CAMSAP1: variants seen among roughly 807,000 people sequenced by gnomAD.
The protein encoded by CAMSAP1 is calmodulin-regulated spectrin-associated protein 1.
A neutral mutation model predicts 143.5 loss-of-function variants in CAMSAP1; 58 were observed. That is an observed-to-expected ratio of 0.40 (90% CI 0.33 to 0.50). CAMSAP1 has a LOEUF of 0.50. Ranked by LOEUF, CAMSAP1 falls within the 20% of genes least tolerant of loss-of-function variation. The probability of loss-of-function intolerance (pLI) is 0.45; values close to 1 mark genes in which losing one functional copy is unlikely to be tolerated. For synonymous variants in CAMSAP1, 945 were observed against 859.3 expected (o/e 1.10, Z -1.74); for missense variants, 1,969 against 2,115.7 (o/e 0.93, Z 1.36).
chr9:135,817,403 G>A (rs1033180247), intron 14 of CAMSAP1, among the ~76,000 whole-genome samples: 43 of 152,092 alleles, frequency 2.8e-4, no homozygotes, highest in African/African-American at 1.0e-3. Context: ...TTGCTTTTGG[G>A]GGTTTTCTGG....
Position 135,811,082 on chromosome 9 carries a change from TCCC to T in CAMSAP1, c.*224_*226del. The T allele has an allele frequency of 1.7e-6, 1 of 580,960 alleles. No homozygotes were observed. The highest frequency in any genetic ancestry group is 3.0e-6 in the Non-Finnish European group (1 of 330,078). 36.0% of individuals were successfully genotyped at this position (580,960 alleles called of 1,614,324 possible). On this transcript the variant is annotated 3_prime_UTR_variant, in exon 17 of 17. Transcript: ENST00000389532. This position sits in a 1 kb window ranked among gnomAD's most constrained non-coding sequence, Gnocchi z 4.9. ...GAGCCACTGCAAAAGCGGCATCTAC[TCCC>T]CCATCCTCACCCTGCCTGGCATCCT...
chr9:135,820,973 T>C lies in CAMSAP1; in HGVS notation c.3688A>G (p.Arg1230Gly), dbSNP rs1835426495. 6.2e-7 allele frequency: 1 copy of C among 1,612,846 alleles called. No individual in the cohort carries two copies. The highest frequency in any genetic ancestry group is 8.5e-7 in the Non-Finnish European group (1 of 1,179,224). The part of the protein sequence containing the change: ...SVPVEEPLRS[R>G]ASLIEVDLSD... ...AGGTCCACTTCAATGAGGCTGGCCC[T>C]GCTCCTCAGAGGCTCCTCCACGGGG... The change falls in exon 11 of 17, where the codon AGG becomes GGG. Residue 1230 changes from arginine to glycine, a missense_variant. Arg to Gly is a moderately radical substitution (Grantham distance 125, BLOSUM62 -2). Around this residue, in one of 4 missense-constraint regions of CAMSAP1, gnomAD observed 1,390 missense variants for 1,420.8 expected, o/e 0.98. Transcript: ENST00000389532. The surrounding 1 kb of genome is among the most constrained non-coding windows in gnomAD (Gnocchi z 4.4).
chr9:135,904,987 A>C (rs1010115031), intron 1 of CAMSAP1, among the ~76,000 whole-genome samples: 1 of 151,814 alleles, frequency 6.6e-6, no homozygotes, highest in Non-Finnish European at 1.5e-5. Context: ...AAAAGTGGAA[A>C]CCAGACCTCC....
At chr9:135,876,427 C>A (rs3119678) in intron 3 of CAMSAP1, among the ~76,000 whole-genome samples, 96,459 of 151,536 alleles carry the variant, frequency 0.64, 31,672 homozygotes, top group African/African-American at 0.81. Flanking sequence ...ATATTTGAAG[C>A]AGCACCTCAT....
intron 7 of CAMSAP1, among the ~76,000 whole-genome samples, chr9:135,834,212 A>G (rs529910318): frequency 2.4e-4 from 36 of 152,348 alleles, no homozygotes; most frequent in African/African-American, 8.7e-4. Flanking sequence ...GTGGGAACAC[A>G]AATTGGTATA....
intron 3 of CAMSAP1, among the ~76,000 whole-genome samples, chr9:135,870,191 GA>G (rs1325337126): frequency 6.6e-6 from 1 of 152,194 alleles, no homozygotes; most frequent in Non-Finnish European, 1.5e-5. Context: ...TTGAGGGAGG[GA>G]CGAGGTGGGA....
At chr9:135,876,719 A>G (rs992740658) in intron 3 of CAMSAP1, among the ~76,000 whole-genome samples, 5 of 152,162 alleles carry the variant, frequency 3.3e-5, no homozygotes, top group African/African-American at 9.7e-5. Flanking sequence ...TTAAAGAAAT[A>G]AAAATATTGC....
At chr9:135,888,023 GGAGGAACTC>G (rs1490310630) in intron 1 of CAMSAP1, among the ~76,000 whole-genome samples, 1 of 152,208 alleles carries the variant, frequency 6.6e-6, no homozygotes, top group Non-Finnish European at 1.5e-5. Flanking sequence ...ACTAAGTGCA[GGAGGAACTC>G]AGAGGGGTGG....
intron 1 of CAMSAP1, among the ~76,000 whole-genome samples, chr9:135,890,443 G>A (rs1286370757): frequency 1.3e-5 from 2 of 152,180 alleles, no homozygotes; most frequent in Admixed American, 1.3e-4. Context: ...CCCCCTGAGG[G>A]CGCCTGGGAG....
chr9:135,853,007 T>C (rs2130909862), intron 5 of CAMSAP1, among the ~76,000 whole-genome samples: 1 of 152,252 alleles, frequency 6.6e-6, no homozygotes, highest in Non-Finnish European at 1.5e-5. Flanking sequence ...AGAAACGTAT[T>C]CACAGTCCAA....
In CAMSAP1 at chr9:135,820,488, C is replaced by T. The variant is rs1379631307; in HGVS notation, c.3822+351G>A. Among the ~76,000 whole-genome samples the T allele has an allele frequency of 6.6e-6, 1 of 151,912 alleles. No homozygotes were observed. Among genetic ancestry groups the T allele is most frequent in the African/African-American group, 2.4e-5 (1 of 41,354 alleles). On this transcript the variant is annotated intron_variant, in intron 11 of 16. Coordinates refer to ENST00000389532, the MANE Select transcript of CAMSAP1 (RefSeq NM_015447.4). The surrounding 1 kb of genome is among the most constrained non-coding windows in gnomAD (Gnocchi z 4.4). ...ACCTCCAGAGCATTCTAACGACGAACGCTTTTTACGCTTTGGGGCAGGACA... is the reference window on the plus strand; with the variant it reads ...ACCTCCAGAGCATTCTAACGACGAATGCTTTTTACGCTTTGGGGCAGGACA...
chr9:135,845,048 C>A (rs951552690), intron 7 of CAMSAP1, among the ~76,000 whole-genome samples: 1 of 152,120 alleles, frequency 6.6e-6, no homozygotes, highest in Non-Finnish European at 1.5e-5. Flanking sequence ...ATACCAAAAC[C>A]CGGCAGAGAC....
At position 135,875,023 on chromosome 9, in the gene CAMSAP1, C is replaced by G. The variant is rs191062653; in HGVS notation, c.585+6610G>C. On this transcript the variant is annotated intron_variant, in intron 3 of 16. Transcript: ENST00000389532. ...AAGCTGTGAAGCTGTTAGGTCTACA[C>G]AGAACGGAGAGAGATAAGCATGTCT... is the stretch of plus-strand genomic sequence containing the variant. Among the ~76,000 whole-genome samples the G allele has an allele frequency of 4.7e-4, 72 of 152,218 alleles. 1 individual carries two copies. In the South Asian group the frequency reaches 0.014, roughly 29 times the overall value.
Position 135,907,089 on chromosome 9 carries a change from G to A in CAMSAP1, c.71C>T (p.Ala24Val). ...GTAGCGGTCCAGGGGCACGAGGTCG[G>A]CGGCGCCGTCCGGCGGGGCCTCCAT... ...RKMEAPPDGAADLVPLDRYDA... is the reference protein window; with the variant it reads ...RKMEAPPDGAVDLVPLDRYDA... Residue 24 changes from alanine (A) to valine (V), a missense_variant, in exon 1 of 17, where the codon GCC (alanine) becomes GTC (valine). Physicochemically the swap from Ala to Val is moderately conservative, Grantham distance 64 (BLOSUM62 0). Transcript: ENST00000389532. The A allele has an allele frequency of 1.7e-6, 2 of 1,153,698 alleles. No individual in the cohort carries two copies. The highest frequency in any genetic ancestry group is 2.1e-6 in the Non-Finnish European group (2 of 933,860). The allele number at this position is 1,153,698 out of a possible 1,614,324, so 71.5% of individuals were successfully genotyped here. A position where few individuals can be genotyped will look rare whatever the true frequency, so the allele number is the denominator to read the frequency against.
intron 16 of CAMSAP1, among the ~76,000 whole-genome samples, chr9:135,813,434 CTATATAA>C (rs1287895900): frequency 1.3e-5 from 2 of 152,198 alleles, no homozygotes; most frequent in African/African-American, 4.8e-5. Context: ...CCAAAACTGT[CTATATAA>C]TACTGATTTC....
At chr9:135,869,313 G>C (rs539831359) in intron 3 of CAMSAP1, among the ~76,000 whole-genome samples, 1 of 151,640 alleles carries the variant, frequency 6.6e-6, no homozygotes, top group Non-Finnish European at 1.5e-5. Flanking sequence ...GACCAGCCTG[G>C]GCAACATGAC....
chr9:135,829,850 C>CATAAATAAATAA (rs10625345), intron 7 of CAMSAP1, among the ~76,000 whole-genome samples: 2,020 of 142,750 alleles, frequency 0.014, 25 homozygotes, highest in Middle Eastern at 0.021. Flanking sequence ...GAGACTCTGT[C>CATAAATAAATAA]ATAAATAAAT....
intron 1 of CAMSAP1, among the ~76,000 whole-genome samples, chr9:135,899,096 C>G (rs1379096225): frequency 1.3e-5 from 2 of 152,202 alleles, no homozygotes; most frequent in Admixed American, 1.3e-4. Flanking sequence ...AGAGGAAACT[C>G]ATCTACAATA....
In CAMSAP1 at chr9:135,824,640, G is replaced by A. The variant is rs777606322; in HGVS notation, c.1315+149C>T. 6 of 628,442 alleles carry A rather than the reference G, an allele frequency of 9.5e-6. No individual in the cohort carries two copies. The highest frequency in any genetic ancestry group is 1.6e-5 in the Non-Finnish European group (6 of 379,938). 38.9% of individuals were successfully genotyped at this position (628,442 alleles called of 1,614,324 possible). ...AGATCGCGCCACAGCACTTCAGCCT[G>A]GTGACAGAGCAAGACTCCATCTCAA... On this transcript the variant is annotated intron_variant, in intron 9 of 16. Transcript: ENST00000389532. The surrounding 1 kb of genome is among the most constrained non-coding windows in gnomAD (Gnocchi z 4.1).
Sources: gnomAD v4.1 joint callset for allele counts (sites outside exome capture counted in the v4.1 genomes callset) on GRCh38, gnomAD v4.1.1 for gene constraint, gnomAD v4.1.1 regional missense constraint, Gnocchi (gnomAD v3.1) non-coding constraint, MANE v1.5 for transcripts, NCBI Gene and HGNC (gene_info 2026-07-23, HGNC 2026-07-21) for gene names.